The following PAK4 variants were observed in gnomAD, a reference collection of about 807,000 sequenced individuals.
PAK4 encodes the protein serine/threonine-protein kinase PAK 4.
A neutral mutation model predicts 53.5 loss-of-function variants in PAK4; 49 were observed. The ratio of observed to expected loss-of-function variants is 0.92; its 90% CI spans 0.73 to 1.16. The LOEUF is 1.16. PAK4 is among the 50% of genes most tolerant of loss of function. The pLI, the probability that PAK4 is intolerant of heterozygous loss-of-function variation, is 0.00. For missense variants in PAK4, 824 were observed against 850.7 expected (o/e 0.97, Z 0.39); for synonymous variants, 376 against 375.6 (o/e 1.00, Z -0.01).
chr19:39,181,698 T>C (rs933117544), downstream of PAK4: 6 of 152,248 alleles, frequency 3.9e-5, no homozygotes, highest in Non-Finnish European at 7.3e-5. Context: ...AGGGGAGTGC[T>C]TAGGACAAGG....
In PAK4 at chr19:39,173,246, GC is replaced by G; in HGVS notation, c.538del (p.Leu180SerfsTer189). Reference sequence around the variant, plus strand: ...CCCCAGGAGTCCTCCCGGGACAAACGCCCCCTCTCCGGGCCTGATGTCGGCA... The same window carrying G: ...CCCCAGGAGTCCTCCCGGGACAAACGCCCCTCTCCGGGCCTGATGTCGGCA... On this transcript the variant is annotated frameshift_variant, in exon 3 of 9. Coordinates refer to ENST00000358301, the Ensembl canonical transcript of PAK4. LOFTEE classifies it high-confidence loss of function. The surrounding 1 kb of genome is among the most constrained non-coding windows in gnomAD (Gnocchi z 6.9). 9.5e-6 allele frequency: 15 copies of G among 1,584,642 alleles called. No individual in the cohort carries two copies. The highest frequency in any genetic ancestry group is 1.3e-5 in the Non-Finnish European group (15 of 1,166,256).
chr19:39,169,699 G>A (rs778987184), exon 2 of PAK4: 3 of 1,611,758 alleles, frequency 1.9e-6, no homozygotes, highest in African/African-American at 1.3e-5. Flanking sequence ...TCGGCTCGCC[G>A]GCCCAAGCCC....
rs756166501 is a variant in PAK4, at chr19:39,173,618, G to T, written c.706G>T (p.Gly236Cys). The change falls in exon 4 of 9, where the codon GGC becomes TGC. Residue 236 changes from glycine (G) to cysteine (C), a missense_variant. Transcript: ENST00000358301. The surrounding 1 kb of genome is among the most constrained non-coding windows in gnomAD (Gnocchi z 6.9). ...GGCCCCTAACGGGCCATCAGCGGGGGGCCTGGCCATCCCCCAGTCCTCCTC... is the reference window on the plus strand; with the variant it reads ...GGCCCCTAACGGGCCATCAGCGGGGTGCCTGGCCATCCCCCAGTCCTCCTC... The T allele has an allele frequency of 6.5e-7, 1 of 1,541,486 alleles. No individual in the cohort carries two copies. The highest frequency in any genetic ancestry group is 1.4e-5 in the African/African-American group (1 of 72,552).
At chr19:39,148,628 T>G (rs983810292) in intron 1 of PAK4, among the ~76,000 whole-genome samples, 5 of 151,752 alleles carry the variant, frequency 3.3e-5, no homozygotes, top group African/African-American at 1.2e-4. Context: ...GGCTAATTTT[T>G]GTGTTTTTAG....
intron 1 of PAK4, among the ~76,000 whole-genome samples, chr19:39,159,648 A>G (rs1412681596): frequency 6.6e-6 from 1 of 152,154 alleles, no homozygotes; most frequent in African/African-American, 2.4e-5. Context: ...TCGGCCTCCC[A>G]AAGTGCTGGG....
chr19:39,133,675 G>T (rs1767812870), intron 1 of PAK4, among the ~76,000 whole-genome samples: 1 of 152,194 alleles, frequency 6.6e-6, no homozygotes, highest in Admixed American at 6.5e-5. Flanking sequence ...ACACCTTGAG[G>T]GTTGGGAGCA....
chr19:39,147,893 GTTC>G (rs1172128674), intron 1 of PAK4, among the ~76,000 whole-genome samples: 1 of 17,952 alleles, frequency 5.6e-5, no homozygotes, highest in Non-Finnish European at 1.1e-4. Flanking sequence ...TTTCACTGTT[GTTC>G]TTTTTTTTTT....
At chr19:39,156,408 GTA>G (rs2074182507) in intron 1 of PAK4, among the ~76,000 whole-genome samples, 2 of 152,182 alleles carry the variant, frequency 1.3e-5, no homozygotes, top group African/African-American at 4.8e-5. Flanking sequence ...CCGCTTGCAG[GTA>G]CTCAGCCTTG....
In PAK4 at chr19:39,173,014, C is replaced by T. The variant is rs925258792; in HGVS notation, c.301C>T (p.Arg101Trp). Residue 101 changes from arginine to tryptophan, a missense_variant, in exon 3 of 9, where the codon CGG (arginine) becomes TGG (tryptophan). Arg to Trp is a moderately radical substitution (Grantham distance 101). Around this residue, in one of 2 missense-constraint regions of PAK4, gnomAD observed 478 missense variants for 435.8 expected, o/e 1.10. Transcript: ENST00000358301. This position sits in a 1 kb window ranked among gnomAD's most constrained non-coding sequence, Gnocchi z 6.9. Reference sequence around the variant, plus strand: ...GTCGGTGACACGCTCCAACTCCCTGCGGAGAGACAGCCCGCCGCCGCCCGC... The same window carrying T: ...GTCGGTGACACGCTCCAACTCCCTGTGGAGAGACAGCCCGCCGCCGCCCGC... The T allele has an allele frequency of 1.3e-5, 20 of 1,549,524 alleles. No homozygotes were observed. The highest frequency in any genetic ancestry group is 2.0e-4 in the Middle Eastern group (1 of 5,002).
intron 1 of PAK4, among the ~76,000 whole-genome samples, chr19:39,144,950 A>G (rs1436310947): frequency 1.3e-5 from 2 of 151,880 alleles, no homozygotes; most frequent in East Asian, 3.9e-4. Flanking sequence ...AGTGTGTAAA[A>G]CCTCCATGTT....
At position 39,174,533 on chromosome 19, in the gene PAK4, G is replaced by C. The variant is rs532340769; in HGVS notation, c.1099-398G>C. On this transcript the variant is annotated intron_variant, in intron 4 of 8. Coordinates refer to ENST00000358301, the Ensembl canonical transcript of PAK4. ...TTGCCGGGTGTGTGAGGCCCCTCTC[G>C]ACCCCGTTGCCCATCACAGTGCCGG... is the stretch of plus-strand genomic sequence containing the variant. Among the ~76,000 whole-genome samples, 5 of 151,840 alleles carry C rather than the reference G, an allele frequency of 3.3e-5. No homozygotes were observed. In the South Asian group the frequency reaches 1.0e-3, roughly 32 times the overall value.
At chr19:39,133,442 C>T (rs1255187913) in intron 1 of PAK4, among the ~76,000 whole-genome samples, 2 of 152,192 alleles carry the variant, frequency 1.3e-5, no homozygotes, top group African/African-American at 4.8e-5. Flanking sequence ...TTCTTAGGAT[C>T]TCCCTTTTCT....
At position 39,173,769 on chromosome 19, in the gene PAK4, C is replaced by G. The variant is rs750587242; in HGVS notation, c.857C>G (p.Pro286Arg). 4 of 1,594,298 alleles carry G rather than the reference C, an allele frequency of 2.5e-6. No individual in the cohort carries two copies. Among genetic ancestry groups the G allele is most frequent in the Admixed American group, 1.7e-5 (1 of 58,042 alleles). ...CCCGCCGCCCCTGCTGTTCCTGGGC[C>G]CCCTGGCCCCCGCTCACCACAGCGG... The change falls in exon 4 of 9, where the codon CCC becomes CGC. Residue 286 changes from proline to arginine, a missense_variant. Coordinates refer to ENST00000358301, the Ensembl canonical transcript of PAK4. The surrounding 1 kb of genome is among the most constrained non-coding windows in gnomAD (Gnocchi z 6.9).
chr19:39,132,316 T>C (rs1600302102), intron 1 of PAK4, among the ~76,000 whole-genome samples: 2 of 152,318 alleles, frequency 1.3e-5, no homozygotes, highest in Non-Finnish European at 2.9e-5. Flanking sequence ...CGAGCAAATC[T>C]CTTTCCCACC....
intron 1 of PAK4, among the ~76,000 whole-genome samples, chr19:39,159,903 A>T (rs2074256330): frequency 6.6e-6 from 1 of 152,068 alleles, no homozygotes; most frequent in Non-Finnish European, 1.5e-5. Context: ...CGTCCCCCCC[A>T]CTGGATCTGT....
rs73933807 is a variant in PAK4 at position 39,158,810 on chromosome 19, G to A, written c.-22-10722G>A. 8.1e-3 allele frequency among the ~76,000 whole-genome samples: 1,239 copies of A among 152,250 alleles called. 26 individuals are homozygous for A. Among genetic ancestry groups the A allele is most frequent in the African/African-American group, 0.028 (1,166 of 41,548 alleles). On this transcript the variant is annotated intron_variant, in intron 1 of 8. Coordinates refer to ENST00000358301, the Ensembl canonical transcript of PAK4. ...CCAGTCCAGTGGGAGAGGCAGACCTGTTATCAGACAATAACAGCCCATCAG... is the reference window on the plus strand; with the variant it reads ...CCAGTCCAGTGGGAGAGGCAGACCTATTATCAGACAATAACAGCCCATCAG...
Position 39,175,292 on chromosome 19 carries a change from C to G in PAK4, c.1233-20C>G. ...GGGGTGCTGTCCAGCTGGCTGCTCA[C>G]CCCCCACCCCACCCCGCAGGATGAA... On this transcript the variant is annotated intron_variant, in intron 5 of 8. Coordinates refer to ENST00000358301, the Ensembl canonical transcript of PAK4. The surrounding 1 kb of genome is among the most constrained non-coding windows in gnomAD (Gnocchi z 4.7). The G allele has an allele frequency of 6.4e-7, 1 of 1,560,060 alleles. No homozygotes were observed. The highest frequency in any genetic ancestry group is 2.4e-5 in the East Asian group (1 of 42,318).
At chr19:39,155,935 G>A (rs2074172902) in intron 1 of PAK4, among the ~76,000 whole-genome samples, 1 of 152,234 alleles carries the variant, frequency 6.6e-6, no homozygotes. Flanking sequence ...GTCACGTTGA[G>A]CTGCCTTTTT....
chr19:39,153,125 T>C (rs2074120285), intron 1 of PAK4, among the ~76,000 whole-genome samples: 1 of 152,164 alleles, frequency 6.6e-6, no homozygotes, highest in African/African-American at 2.4e-5. Flanking sequence ...AACATAAATG[T>C]ATAGCAAAAC....
Sources: allele counts gnomAD v4.1 joint callset (sites outside exome capture counted in the v4.1 genomes callset), GRCh38; gene constraint gnomAD v4.1.1; regional missense constraint gnomAD v4.1.1; non-coding constraint Gnocchi (gnomAD v3.1); transcripts MANE v1.5; gene names NCBI Gene and HGNC (gene_info 2026-07-23, HGNC 2026-07-21).